The following SLC25A28 variants were observed in gnomAD, a reference collection of about 807,000 sequenced individuals.
SLC25A28 encodes solute carrier family 25 member 28.
In SLC25A28, 10 loss-of-function variants were observed where a neutral mutation model predicts 31.9. The ratio of observed to expected loss-of-function variants is 0.31; its 90% CI spans 0.19 to 0.53. The LOEUF (loss-of-function observed/expected upper bound fraction) is 0.53. Ranked by LOEUF, SLC25A28 falls within the 20% of genes least tolerant of loss-of-function variation. SLC25A28 has a pLI of 0.95. For missense variants in SLC25A28, 256 were observed against 490.3 expected, an observed-to-expected ratio of 0.52 and a Z score of 4.51; for synonymous variants, 208 against 203.6, an observed-to-expected ratio of 1.02 and a Z score of -0.19.
the SLC25A28 span, among the ~76,000 whole-genome samples, chr10:99,628,434 T>A: frequency 0.85 from 130,164 of 152,284 alleles, 55,731 homozygotes; most frequent in Middle Eastern, 0.92. Flanking sequence ...TTTTCTTGAA[T>A]GTTTATTCAG....
the SLC25A28 span, among the ~76,000 whole-genome samples, chr10:99,652,530 C>T: frequency 7.9e-5 from 12 of 152,092 alleles, no homozygotes; most frequent in African/African-American, 2.9e-4. Flanking sequence ...TGAGATTTTG[C>T]CCAATACCTC....
chr10:99,639,961 A>G, the SLC25A28 span, among the ~76,000 whole-genome samples: 1 of 152,206 alleles, frequency 6.6e-6, no homozygotes, highest in Non-Finnish European at 1.5e-5. Flanking sequence ...GGCAAAGAGT[A>G]CAAAAAAAGA....
chr10:99,615,976 C>T (rs558363291), intron 1 of SLC25A28: 1 of 985,264 alleles, frequency 1.0e-6, no homozygotes, highest in Non-Finnish European at 1.2e-6. Context: ...ATATACACAT[C>T]TAAATCTAAC....
At chr10:99,617,036 T>C (rs1589997278) in intron 1 of SLC25A28, 12 of 985,224 alleles carry the variant, frequency 1.2e-5, no homozygotes, top group African/African-American at 1.7e-5. Context: ...CATCTGGAAA[T>C]TGGAGATTTA....
chr10:99,635,303 A>G, the SLC25A28 span, among the ~76,000 whole-genome samples: 1 of 152,262 alleles, frequency 6.6e-6, no homozygotes, highest in Non-Finnish European at 1.5e-5. Flanking sequence ...AATGAATGCA[A>G]CGTTACCTCA....
At chr10:99,637,209 G>C in the SLC25A28 span, among the ~76,000 whole-genome samples, 3 of 137,832 alleles carry the variant, frequency 2.2e-5, no homozygotes, top group Admixed American at 2.3e-4. Flanking sequence ...CTCAATAGAT[G>C]CAGAAAAGGC....
intron 1 of SLC25A28, chr10:99,616,686 G>A (rs912470335): frequency 2.3e-5 from 23 of 985,242 alleles, no homozygotes; most frequent in Non-Finnish European, 2.8e-5. Context: ...GTGAAATTCT[G>A]TGCCTTGCCT....
At chr10:99,616,727 A>G in intron 1 of SLC25A28, 8 of 985,440 alleles carry the variant, frequency 8.1e-6, no homozygotes, top group Non-Finnish European at 9.6e-6. Context: ...GGGAAGCTAT[A>G]TGGAAGGCTT....
chr10:99,651,874 T>C, the SLC25A28 span: 1 of 152,178 alleles, frequency 6.6e-6, no homozygotes, highest in Non-Finnish European at 1.5e-5. Flanking sequence ...TGAGCCATCA[T>C]GCCTGGCCTA....
the SLC25A28 span, among the ~76,000 whole-genome samples, chr10:99,644,130 T>C: frequency 6.6e-6 from 1 of 152,190 alleles, no homozygotes; most frequent in Non-Finnish European, 1.5e-5. Context: ...TTGTTAACTT[T>C]CTGTCTCGTT....
upstream of SLC25A28, among the ~76,000 whole-genome samples, chr10:99,623,518 A>T (rs1355644581): frequency 6.6e-6 from 1 of 152,086 alleles, no homozygotes; most frequent in African/African-American, 2.4e-5. Flanking sequence ...TTTCCTTCGT[A>T]TTGATATACT....
chr10:99,642,208 GT>G, the SLC25A28 span, among the ~76,000 whole-genome samples: 1 of 151,762 alleles, frequency 6.6e-6, no homozygotes, highest in Admixed American at 6.6e-5. Flanking sequence ...AGCATGGAAT[GT>G]TCTTCCATTT....
At chr10:99,648,455 G>C in the SLC25A28 span, among the ~76,000 whole-genome samples, 2 of 151,382 alleles carry the variant, frequency 1.3e-5, no homozygotes, top group Non-Finnish European at 2.9e-5. Context: ...GGTTACATAT[G>C]AATTTTAGGA....
At chr10:99,617,962 A>C (rs1404743814) in intron 1 of SLC25A28, 1 of 273,056 alleles carries the variant, frequency 3.7e-6, no homozygotes, top group East Asian at 1.7e-4. Flanking sequence ...TCTCTTTCAG[A>C]GGTGTTTCCT....
At chr10:99,623,360 C>T (rs2034827818), upstream of SLC25A28, among the ~76,000 whole-genome samples, 1 of 152,156 alleles carries the variant, frequency 6.6e-6, no homozygotes, top group South Asian at 2.1e-4. Flanking sequence ...TTCCACTCCC[C>T]ACCCCAACCC....
At chr10:99,638,487 A>G in the SLC25A28 span, among the ~76,000 whole-genome samples, 2 of 152,256 alleles carry the variant, frequency 1.3e-5, no homozygotes, top group African/African-American at 4.8e-5. Flanking sequence ...AGGAACATTC[A>G]GCAGAGTAAA....
chr10:99,648,753 T>C, the SLC25A28 span, among the ~76,000 whole-genome samples: 2 of 150,158 alleles, frequency 1.3e-5, no homozygotes, highest in South Asian at 2.1e-4. Context: ...ATCAGCTAGA[T>C]TGTTATTGTT....
chr10:99,632,121 C>A, the SLC25A28 span, among the ~76,000 whole-genome samples: 1 of 151,534 alleles, frequency 6.6e-6, no homozygotes, highest in Admixed American at 6.6e-5. Context: ...TGGTCTCGAT[C>A]TCCTGACCTC....
the SLC25A28 span, among the ~76,000 whole-genome samples, chr10:99,648,332 T>C: frequency 6.6e-6 from 1 of 152,192 alleles, no homozygotes. Flanking sequence ...CTTATACCAG[T>C]ACTACACTAC....
Sources: allele counts gnomAD v4.1 joint callset (sites outside exome capture counted in the v4.1 genomes callset), GRCh38; gene constraint gnomAD v4.1.1; transcripts MANE v1.5; gene names NCBI Gene and HGNC (gene_info 2026-07-23, HGNC 2026-07-21).